SGK1: variants seen among roughly 807,000 people sequenced by gnomAD.
SGK1 encodes the protein serum/glucocorticoid regulated kinase 1.
In SGK1, 26 loss-of-function variants were observed where a neutral mutation model predicts 64.2. That is an observed-to-expected ratio of 0.40 (90% CI 0.30 to 0.56). The LOEUF is 0.56. Ranked by LOEUF, SGK1 falls within the 20% of genes least tolerant of loss-of-function variation. The pLI is 0.38. For synonymous variants in SGK1, 265 were observed against 239.7 expected (o/e 1.11, Z -0.98); for missense variants, 519 against 645.6 (o/e 0.80, Z 2.12).
chr6:134,240,699 A>G (rs576776898), intron 2 of SGK1, among the ~76,000 whole-genome samples: 1 of 152,348 alleles, frequency 6.6e-6, no homozygotes, highest in South Asian at 2.1e-4. Flanking sequence ...TAGTACTGTT[A>G]TTCTTGTTAG....
In SGK1 at chr6:134,170,164, A is replaced by C; in HGVS notation, c.*104T>G. On this transcript the variant is annotated 3_prime_UTR_variant, in exon 14 of 14. Transcript: ENST00000367858. ...ATTGCTAAGCTTCCAGAGATGTGCA[A>C]ATTCTCTTGTAAGATGTCCTGTCAG... 1 of 1,004,200 alleles carries C rather than the reference A, an allele frequency of 1.0e-6. No homozygotes were observed. Among genetic ancestry groups the C allele is most frequent in the Non-Finnish European group, 1.5e-6 (1 of 680,508 alleles). The allele number at this position is 1,004,200 out of a possible 1,614,324, so 62.2% of individuals were successfully genotyped here.
chr6:134,199,558 C>CAA (rs369760659), intron 3 of SGK1, among the ~76,000 whole-genome samples: 2,080 of 81,280 alleles, frequency 0.026, 105 homozygotes, highest in African/African-American at 0.095. Flanking sequence ...GACTCTCTCT[C>CAA]AAAAAAAAAA....
intron 2 of SGK1, chr6:134,261,323 C>T (rs1776763794): frequency 1.3e-5 from 2 of 155,322 alleles, no homozygotes; most frequent in African/African-American, 4.8e-5. Flanking sequence ...CCTGTGTGAT[C>T]AAACCACTTC....
intron 3 of SGK1, among the ~76,000 whole-genome samples, chr6:134,202,548 G>A (rs571347844): frequency 1.3e-5 from 2 of 152,230 alleles, no homozygotes; most frequent in South Asian, 4.1e-4. Flanking sequence ...GGCTGAGACA[G>A]GAGACAGGAG....
chr6:134,291,130 G>C (rs1164850587), intron 1 of SGK1, among the ~76,000 whole-genome samples: 1 of 152,124 alleles, frequency 6.6e-6, no homozygotes, highest in African/African-American at 2.4e-5. Context: ...ATTAGATACT[G>C]AGCTGCAGCT....
At chr6:134,296,946 C>T (rs1031935242) in intron 1 of SGK1, 12 of 407,024 alleles carry the variant, frequency 2.9e-5, no homozygotes, top group African/African-American at 2.1e-4. Flanking sequence ...CCCTCCTGGG[C>T]TCTGGGGCAG....
intron 3 of SGK1, among the ~76,000 whole-genome samples, chr6:134,191,867 G>A (rs562403842): frequency 2.8e-4 from 26 of 94,150 alleles, no homozygotes; most frequent in African/African-American, 9.1e-4. Context: ...ACAGAGTCTC[G>A]CTCTGTCACC....
intron 2 of SGK1, among the ~76,000 whole-genome samples, chr6:134,223,851 C>A (rs990160931): frequency 6.6e-6 from 1 of 152,190 alleles, no homozygotes; most frequent in Non-Finnish European, 1.5e-5. Flanking sequence ...TTTTCTCATG[C>A]AGTAGGCTAA....
At chr6:134,268,821 G>A (rs1279123845) in intron 1 of SGK1, among the ~76,000 whole-genome samples, 1 of 146,384 alleles carries the variant, frequency 6.8e-6, no homozygotes, top group Non-Finnish European at 1.5e-5. Context: ...TACAGATACC[G>A]GGGTGAACCA....
At chr6:134,280,903 C>T (rs1271931395) in intron 1 of SGK1, among the ~76,000 whole-genome samples, 3 of 152,108 alleles carry the variant, frequency 2.0e-5, no homozygotes, top group African/African-American at 7.2e-5. Context: ...CCCATCTCTA[C>T]TAAAAATACA....
rs773091942 is a variant in SGK1, at chr6:134,298,027, G to A, written c.69+19365C>T. On this transcript the variant is annotated intron_variant, in intron 1 of 13. Coordinates refer to ENST00000367858, the MANE Select transcript of SGK1 (RefSeq NM_001143676.3). ...TCCGAGATCTGGGACTGCAGCTCCC[G>A]ATCTCTTCATACAGCTGCCTCAGGA... is the stretch of plus-strand genomic sequence containing the variant. 120 of 933,164 alleles carry A rather than the reference G, an allele frequency of 1.3e-4. 1 individual carries two copies. In the Admixed American group the frequency reaches 1.3e-3, roughly 10 times the overall value. The allele number at this position is 933,164 out of a possible 1,614,324, so 57.8% of individuals were successfully genotyped here.
At chr6:134,216,548 C>T (rs1775989343) in intron 2 of SGK1, among the ~76,000 whole-genome samples, 1 of 152,170 alleles carries the variant, frequency 6.6e-6, no homozygotes, top group South Asian at 2.1e-4. Flanking sequence ...GGGCTTATCA[C>T]ATTCAACAGT....
chr6:134,296,756 G>GTTTTTTTTTTT (rs1777353531), intron 1 of SGK1, among the ~76,000 whole-genome samples: 1 of 140,068 alleles, frequency 7.1e-6, no homozygotes. Context: ...GGCAGAGCTA[G>GTTTTTTTTTTT]CTGAGGTTTT....
chr6:134,244,505 T>G (rs1452826729), intron 2 of SGK1, among the ~76,000 whole-genome samples: 1 of 152,170 alleles, frequency 6.6e-6, no homozygotes, highest in Non-Finnish European at 1.5e-5. Context: ...GCATAGTATC[T>G]GGGCTGGATA....
chr6:134,186,114 TTAAAA>T (rs1194736586), intron 3 of SGK1, among the ~76,000 whole-genome samples: 1 of 152,214 alleles, frequency 6.6e-6, no homozygotes, highest in East Asian at 1.9e-4. Flanking sequence ...AAGTTGACAC[TTAAAA>T]TTAACCATCA....
rs547363316 is a variant in SGK1, at chr6:134,268,665, G to A, written c.70-6517C>T. Among the ~76,000 whole-genome samples, 76 of 141,572 alleles carry A rather than the reference G, an allele frequency of 5.4e-4. 2 individuals carry two copies. Among genetic ancestry groups the A allele is most frequent in the African/African-American group, 1.9e-3 (74 of 39,794 alleles). 92.9% of individuals were successfully genotyped at this position (141,572 alleles called of 152,430 possible). A position where few individuals can be genotyped will look rare whatever the true frequency, so the allele number is the denominator to read the frequency against. ...GTGAACCCGGGAGGCGGAGCTTGCA[G>A]TGAGCTGAGATCGCGCCACTGCACT... On this transcript the variant is annotated intron_variant, in intron 1 of 13. Transcript: ENST00000367858.
intron 5 of SGK1, chr6:134,173,777 G>A: frequency 3.5e-6 from 2 of 578,684 alleles, no homozygotes; most frequent in Non-Finnish European, 3.0e-6. Flanking sequence ...ACCTTTTTAT[G>A]AAATATGCCT....
chr6:134,281,238 G>T (rs1777089936), intron 1 of SGK1, among the ~76,000 whole-genome samples: 1 of 152,018 alleles, frequency 6.6e-6, no homozygotes, highest in Non-Finnish European at 1.5e-5. Context: ...GTTTATCTTA[G>T]TATTTTAGTA....
intron 2 of SGK1, among the ~76,000 whole-genome samples, chr6:134,210,447 A>G (rs1775870173): frequency 6.6e-6 from 1 of 152,194 alleles, no homozygotes; most frequent in South Asian, 2.1e-4. Context: ...AATGGGTATA[A>G]AATTTAATTT....
Sources: allele counts gnomAD v4.1 joint callset (sites outside exome capture counted in the v4.1 genomes callset), GRCh38; gene constraint gnomAD v4.1.1; transcripts MANE v1.5; gene names NCBI Gene and HGNC (gene_info 2026-07-23, HGNC 2026-07-21).